The following KCNIP4 variants were observed in gnomAD, a reference collection of about 807,000 sequenced individuals.
The protein encoded by KCNIP4 is potassium voltage-gated channel interacting protein 4.
A neutral mutation model predicts 34.0 loss-of-function variants in KCNIP4; 12 were observed. The observed-to-expected ratio is 0.35, with a 90% CI of 0.23 to 0.57. The LOEUF is 0.57. Among genes scored for constraint, KCNIP4 ranks in the 20% least tolerant of loss-of-function variants. KCNIP4 has a pLI of 0.83. For synonymous variants in KCNIP4, 124 were observed against 102.2 expected, an observed-to-expected ratio of 1.21 and a Z score of -1.29; for missense variants, 238 against 311.7, an observed-to-expected ratio of 0.76 and a Z score of 1.78.
chr4:20,830,144 C>A (rs1388268761), intron 3 of KCNIP4, among the ~76,000 whole-genome samples: 1 of 152,184 alleles, frequency 6.6e-6, no homozygotes, highest in African/African-American at 2.4e-5. Context: ...TAAATGACAT[C>A]ATGGCATCCT....
At chr4:20,815,608 T>C (rs998999814) in intron 3 of KCNIP4, among the ~76,000 whole-genome samples, 6 of 152,316 alleles carry the variant, frequency 3.9e-5, no homozygotes, top group African/African-American at 1.4e-4. Context: ...GAAACCTACC[T>C]GTTACATTAA....
chr4:21,140,512 C>A (rs1751864180), intron 1 of KCNIP4, among the ~76,000 whole-genome samples: 1 of 151,968 alleles, frequency 6.6e-6, no homozygotes, highest in Non-Finnish European at 1.5e-5. Flanking sequence ...CTCTGTGCCT[C>A]GATTTTAATT....
At chr4:21,283,593 A>T (rs1335434154) in intron 1 of KCNIP4, among the ~76,000 whole-genome samples, 1 of 145,342 alleles carries the variant, frequency 6.9e-6, no homozygotes, top group Non-Finnish European at 1.5e-5. Context: ...GAACTAGTCC[A>T]TGTGAAAATA....
intron 1 of KCNIP4, among the ~76,000 whole-genome samples, chr4:21,339,980 T>C (rs901704907): frequency 6.6e-6 from 1 of 152,202 alleles, no homozygotes. Context: ...TAGTTCTATG[T>C]AATTTCTACA....
chr4:20,850,859 AT>A (rs559304182), intron 2 of KCNIP4, 192 bp from the exon 3 acceptor site: 5 of 480,406 alleles, frequency 1.0e-5, no homozygotes, highest in Non-Finnish European at 1.4e-5. Flanking sequence ...CTTGTATATG[AT>A]TTTTTTGCAT....
At chr4:21,298,071 G>A (rs1763942947) in intron 1 of KCNIP4, among the ~76,000 whole-genome samples, 1 of 152,078 alleles carries the variant, frequency 6.6e-6, no homozygotes, top group Non-Finnish European at 1.5e-5. Context: ...TTATTCATCT[G>A]CAAAATCAAA....
chr4:21,677,788 C>T (rs1327688962), intron 1 of KCNIP4, among the ~76,000 whole-genome samples: 1 of 152,182 alleles, frequency 6.6e-6, no homozygotes. Flanking sequence ...CTCACTCTGT[C>T]ACCCAGGCTG....
At chr4:21,789,070 CAAAA>C (rs35630701) in intron 1 of KCNIP4, among the ~76,000 whole-genome samples, 220 of 93,912 alleles carry the variant, frequency 2.3e-3, no homozygotes, top group Admixed American at 0.014. Flanking sequence ...GAGATTCTGT[CAAAA>C]AAAAAAAAAA....
intron 1 of KCNIP4, among the ~76,000 whole-genome samples, chr4:21,525,289 C>T (rs185843344): frequency 2.4e-4 from 37 of 152,160 alleles, no homozygotes; most frequent in African/African-American, 8.9e-4. Context: ...AGGCAATAGT[C>T]CTAATTTCAT....
At chr4:20,951,677 A>G (rs1227995673) in intron 1 of KCNIP4, among the ~76,000 whole-genome samples, 2 of 152,212 alleles carry the variant, frequency 1.3e-5, no homozygotes, top group Non-Finnish European at 2.9e-5. Flanking sequence ...CCTAACTAAC[A>G]ATATATTCTA....
chr4:21,156,490 G>A (rs968239807), intron 1 of KCNIP4, among the ~76,000 whole-genome samples: 1 of 152,146 alleles, frequency 6.6e-6, no homozygotes, highest in South Asian at 2.1e-4. Flanking sequence ...ATGCATGAGA[G>A]CCACCTAACA....
chr4:21,015,763 T>C (rs1437546810), intron 1 of KCNIP4, among the ~76,000 whole-genome samples: 2 of 136,258 alleles, frequency 1.5e-5, no homozygotes, highest in Admixed American at 1.6e-4. Context: ...TATAAATATA[T>C]ACAATATACA....
intron 1 of KCNIP4, among the ~76,000 whole-genome samples, chr4:21,936,162 T>C (rs906846847): frequency 1.3e-5 from 2 of 152,096 alleles, no homozygotes; most frequent in African/African-American, 4.8e-5. Flanking sequence ...GGTTTGGCTG[T>C]GTCCCCACCC....
intron 1 of KCNIP4, among the ~76,000 whole-genome samples, chr4:20,920,744 C>A (rs1280093358): frequency 1.3e-5 from 2 of 152,184 alleles, no homozygotes; most frequent in Non-Finnish European, 2.9e-5. Context: ...GTAATCCCAG[C>A]ACTTTGGGAG....
chr4:20,732,280 G>A (rs1748499868), intron 7 of KCNIP4, among the ~76,000 whole-genome samples: 1 of 152,194 alleles, frequency 6.6e-6, no homozygotes, highest in African/African-American at 2.4e-5. Flanking sequence ...ATAATGTGGT[G>A]AAGATGTAGA....
At chr4:21,354,568 TA>T in intron 1 of KCNIP4, among the ~76,000 whole-genome samples, 1 of 152,160 alleles carries the variant, frequency 6.6e-6, no homozygotes, top group South Asian at 2.1e-4. Context: ...TAAATAATGG[TA>T]AAGAGATCAA....
intron 1 of KCNIP4, among the ~76,000 whole-genome samples, chr4:21,715,820 T>C (rs1300318509): frequency 6.6e-6 from 1 of 152,234 alleles, no homozygotes; most frequent in Non-Finnish European, 1.5e-5. Flanking sequence ...TGAAAATCTC[T>C]ACTGTTTCCA....
At chr4:20,830,525 G>A (rs932300520) in intron 3 of KCNIP4, among the ~76,000 whole-genome samples, 1 of 152,092 alleles carries the variant, frequency 6.6e-6, no homozygotes, top group Admixed American at 6.6e-5. Context: ...ATTTTGAGAT[G>A]GGAATTCAGA....
intron 1 of KCNIP4, among the ~76,000 whole-genome samples, chr4:21,578,912 G>T (rs1436857793): frequency 6.6e-6 from 1 of 152,136 alleles, no homozygotes; most frequent in Non-Finnish European, 1.5e-5. Flanking sequence ...CAATTGTTTT[G>T]CATGCTGCAG....
Sources: allele counts gnomAD v4.1 joint callset (sites outside exome capture counted in the v4.1 genomes callset), GRCh38; gene constraint gnomAD v4.1.1; transcripts MANE v1.5; gene names NCBI Gene and HGNC (gene_info 2026-07-23, HGNC 2026-07-21).